Variants in MGA observed in about 807,000 individuals in gnomAD.
MGA encodes MAX gene-associated protein.
A neutral mutation model predicts 261.1 loss-of-function variants in MGA; 40 were observed. The ratio of observed to expected loss-of-function variants is 0.15; its 90% CI spans 0.12 to 0.20. The LOEUF (loss-of-function observed/expected upper bound fraction) is 0.20. MGA is among the 10% of genes least tolerant of loss of function. The pLI, the probability that MGA is intolerant of heterozygous loss-of-function variation, is 1.00. For missense variants in MGA, 3,397 were observed against 3,630.5 expected (o/e 0.94, Z 1.65); for synonymous variants, 1,302 against 1,290.6 (o/e 1.01, Z -0.19).
At chr15:41,716,486 T>C (rs1005984929) in intron 9 of MGA, among the ~76,000 whole-genome samples, 1 of 151,876 alleles carries the variant, frequency 6.6e-6, no homozygotes, top group African/African-American at 2.4e-5. Context: ...AGGGGTGATA[T>C]TTTTGTTAAC....
chr15:41,747,768 C>T (rs1284577990), intron 15 of MGA, among the ~76,000 whole-genome samples: 1 of 152,096 alleles, frequency 6.6e-6, no homozygotes, highest in East Asian at 1.9e-4. Context: ...AGAGAGATAA[C>T]CATGTTTTTC....
In MGA at chr15:41,669,424, A is replaced by G; in HGVS notation, c.530A>G (p.Tyr177Cys). Residue 177 changes from tyrosine to cysteine, a missense_variant, in exon 2 of 24, where the codon TAT (tyrosine) becomes TGT (cysteine). Coordinates refer to ENST00000219905, the MANE Select transcript of MGA (RefSeq NM_001164273.2). ...TGGATGCATCAACCAGTATCTTTCT[A>G]TAAACTCAAACTTACCAACAATACA... 2 of 1,613,950 alleles carry G rather than the reference A, an allele frequency of 1.2e-6. No individual in the cohort carries two copies. Among genetic ancestry groups the G allele is most frequent in the Non-Finnish European group, 1.7e-6 (2 of 1,179,880 alleles).
At chr15:41,680,024 G>A (rs1028679506) in intron 2 of MGA, among the ~76,000 whole-genome samples, 1 of 152,150 alleles carries the variant, frequency 6.6e-6, no homozygotes, top group African/African-American at 2.4e-5. Flanking sequence ...TTGTGTACGT[G>A]TGTGTATATT....
chr15:41,672,137 A>G (rs929404986), intron 2 of MGA, among the ~76,000 whole-genome samples: 2 of 152,212 alleles, frequency 1.3e-5, no homozygotes, highest in African/African-American at 4.8e-5. Flanking sequence ...GGAGTTTGTT[A>G]GGTGAAAGGG....
At chr15:41,744,174 A>G (rs1344668092) in intron 15 of MGA, among the ~76,000 whole-genome samples, 1 of 151,938 alleles carries the variant, frequency 6.6e-6, no homozygotes, top group African/African-American at 2.4e-5. Flanking sequence ...GGAAAAGTGA[A>G]TCTATATATA....
At chr15:41,670,074 A>G (rs752948526) in intron 2 of MGA, 116 bp downstream of exon 2, 14 of 817,212 alleles carry the variant, frequency 1.7e-5, no homozygotes, top group Non-Finnish European at 2.6e-5. Context: ...GTAAGCCACT[A>G]TAAAATATAC....
intron 2 of MGA, among the ~76,000 whole-genome samples, chr15:41,673,760 C>A (rs1000220851): frequency 6.6e-6 from 1 of 151,458 alleles, no homozygotes; most frequent in African/African-American, 2.4e-5. Context: ...TCAGACTGGT[C>A]TCGAACTCAT....
At position 41,708,165 on chromosome 15, in the gene MGA, A is replaced by G. The variant is rs1402265327; in HGVS notation, c.2382A>G (p.Gly794=). ...CCAATGATTTCACTAAGATCAAGGG[A>G]TGGAGGGGAAAATTTCATAGTGCTT... Residue 794 remains glycine (G), a synonymous_variant, in exon 7 of 24, where the codon GGA becomes GGG. Coordinates refer to ENST00000219905, the MANE Select transcript of MGA (RefSeq NM_001164273.2). The G allele has an allele frequency of 6.2e-7, 1 of 1,602,232 alleles. No individual in the cohort carries two copies. The highest frequency in any genetic ancestry group is 1.7e-5 in the Admixed American group (1 of 58,476).
At chr15:41,761,022 C>T (rs2063425964) in intron 20 of MGA, among the ~76,000 whole-genome samples, 1 of 152,236 alleles carries the variant, frequency 6.6e-6, no homozygotes, top group African/African-American at 2.4e-5. Context: ...CCGCCCACCT[C>T]AGCCTCCCAA....
At chr15:41,702,034 C>T (rs994993197) in intron 5 of MGA, among the ~76,000 whole-genome samples, 1 of 151,964 alleles carries the variant, frequency 6.6e-6, no homozygotes, top group East Asian at 1.9e-4. Context: ...AAAAGCCATA[C>T]TTGGGCCAGG....
At position 41,736,350 on chromosome 15, in the gene MGA, C is replaced by A; in HGVS notation, c.4086C>A (p.Asn1362Lys). The change falls in exon 13 of 24, where the codon AAC (asparagine) becomes AAA (lysine). Residue 1362 changes from asparagine to lysine, a missense_variant. Asn to Lys is a moderately conservative substitution (Grantham distance 94, BLOSUM62 0). This residue lies in a region of MGA where 1,410 missense variants were observed against 1,386.4 expected (regional missense o/e 1.02). Transcript: ENST00000219905. ...TCTTATCCCAGCACATCAATAGCAA[C>A]ATGCCACAATCACTTAAGGTGGGCA... 6.2e-7 allele frequency: 1 copy of A among 1,613,996 alleles called. No individual in the cohort carries two copies. Among genetic ancestry groups the A allele is most frequent in the South Asian group, 1.1e-5 (1 of 91,080 alleles).
At chr15:41,735,461 G>A (rs771534326) in intron 12 of MGA, among the ~76,000 whole-genome samples, 17 of 152,182 alleles carry the variant, frequency 1.1e-4, no homozygotes, top group South Asian at 2.1e-4. Flanking sequence ...ACTACAGCTG[G>A]GCGCAGTGGC....
At chr15:41,757,975 G>T in intron 19 of MGA, 136 bp downstream of exon 19, 1 of 636,300 alleles carries the variant, frequency 1.6e-6, no homozygotes. Context: ...AATATAATCA[G>T]TTTTTTCTCC....
At chr15:41,674,297 G>A (rs1197911716) in intron 2 of MGA, among the ~76,000 whole-genome samples, 1 of 152,030 alleles carries the variant, frequency 6.6e-6, no homozygotes, top group African/African-American at 2.4e-5. Context: ...CCAGGTTCAA[G>A]CAATTTTCCT....
chr15:41,629,323 G>A (rs1473150488), intron 1 of MGA, among the ~76,000 whole-genome samples: 2 of 152,112 alleles, frequency 1.3e-5, no homozygotes, highest in Non-Finnish European at 2.9e-5. Context: ...AGCCAGTGGT[G>A]CCATTTACAG....
At chr15:41,675,967 T>C (rs973171335) in intron 2 of MGA, among the ~76,000 whole-genome samples, 25 of 152,222 alleles carry the variant, frequency 1.6e-4, no homozygotes, top group African/African-American at 6.0e-4. Flanking sequence ...AATTCCTGCA[T>C]TATGGATCTT....
At chr15:41,739,870 T>G (rs1388219166) in intron 13 of MGA, 36 bp from the exon 14 acceptor site, 1 of 1,590,652 alleles carries the variant, frequency 6.3e-7, no homozygotes. Flanking sequence ...AAGAGAATTT[T>G]ATCTTTACAG....
intron 1 of MGA, among the ~76,000 whole-genome samples, chr15:41,625,358 G>T (rs891815897): frequency 6.6e-6 from 1 of 151,732 alleles, no homozygotes; most frequent in African/African-American, 2.4e-5. Context: ...AGGAGATCCA[G>T]TAATCAGCAA....
chr15:41,760,208 A>T, intron 19 of MGA, 115 bp from the exon 20 acceptor site: 1 of 937,332 alleles, frequency 1.1e-6, no homozygotes, highest in Non-Finnish European at 1.7e-6. Flanking sequence ...AGAGGCTGTT[A>T]CAACAGTCCA....
Sources: gnomAD v4.1 joint callset for allele counts (sites outside exome capture counted in the v4.1 genomes callset) on GRCh38, gnomAD v4.1.1 for gene constraint, gnomAD v4.1.1 regional missense constraint, MANE v1.5 for transcripts, NCBI Gene and HGNC (gene_info 2026-07-23, HGNC 2026-07-21) for gene names.